The following POC1A variants were observed in gnomAD, a reference collection of about 807,000 sequenced individuals.
POC1A encodes POC1 centriolar protein homolog A.
In POC1A, 34 loss-of-function variants were observed where a neutral mutation model predicts 47.8. That is an observed-to-expected ratio of 0.71 (90% CI 0.54 to 0.95). The LOEUF (loss-of-function observed/expected upper bound fraction) is 0.95, where lower values mean the gene tolerates loss of function less well. Ranked by LOEUF, POC1A falls within the 40% of genes least tolerant of loss-of-function variation. POC1A has a pLI of 0.00. For missense variants in POC1A, 466 were observed against 528.3 expected (o/e 0.88, Z 1.16); for synonymous variants, 177 against 207.6 (o/e 0.85, Z 1.27).
intron 9 of POC1A, among the ~76,000 whole-genome samples, chr3:52,111,768 T>C (rs1703396598): frequency 6.7e-6 from 1 of 149,540 alleles, no homozygotes; most frequent in South Asian, 2.2e-4. Flanking sequence ...CTCTCACCCA[T>C]CTGCTTCCCT....
At chr3:52,080,095 C>T (rs1265927651) in intron 10 of POC1A, among the ~76,000 whole-genome samples, 1 of 152,192 alleles carries the variant, frequency 6.6e-6, no homozygotes, top group African/African-American at 2.4e-5. Flanking sequence ...TTCAACAAAC[C>T]TTCAGCGTGG....
At chr3:52,150,986 C>T (rs1264973358) in intron 2 of POC1A, 30 bp downstream of exon 2, 2 of 1,610,934 alleles carry the variant, frequency 1.2e-6, no homozygotes, top group South Asian at 1.1e-5. Flanking sequence ...AGCTCATAAC[C>T]TAGCACCTAG....
intron 9 of POC1A, among the ~76,000 whole-genome samples, chr3:52,102,255 G>A (rs1703030110): frequency 6.6e-6 from 1 of 152,106 alleles, no homozygotes; most frequent in South Asian, 2.1e-4. Context: ...GTTTCCTAGG[G>A]CTGCTGTAAC....
intron 4 of POC1A, among the ~76,000 whole-genome samples, chr3:52,147,633 G>T (rs1698412163): frequency 6.6e-6 from 1 of 152,016 alleles, no homozygotes; most frequent in South Asian, 2.1e-4. Context: ...GTAGAGATGG[G>T]AGTCTCACTA....
chr3:52,152,857 G>A (rs535922917), intron 1 of POC1A, among the ~76,000 whole-genome samples: 1 of 152,330 alleles, frequency 6.6e-6, no homozygotes, highest in Non-Finnish European at 1.5e-5. Flanking sequence ...GATGCTTGCT[G>A]CAACATGGAT....
At chr3:52,077,839 C>A (rs1257586053) in intron 10 of POC1A, among the ~76,000 whole-genome samples, 1 of 151,638 alleles carries the variant, frequency 6.6e-6, no homozygotes, top group Non-Finnish European at 1.5e-5. Flanking sequence ...AATTTGCAAA[C>A]GTGGAGATAG....
chr3:52,126,870 A>G (rs1704023581), intron 7 of POC1A, among the ~76,000 whole-genome samples: 1 of 152,210 alleles, frequency 6.6e-6, no homozygotes, highest in South Asian at 2.1e-4. Flanking sequence ...TCAGGACCCA[A>G]ACATCTCCCA....
intron 10 of POC1A, among the ~76,000 whole-genome samples, chr3:52,089,198 C>T (rs1261428317): frequency 6.6e-6 from 1 of 151,948 alleles, no homozygotes. Context: ...CCCTGACCTG[C>T]GACTTGGGGA....
intron 6 of POC1A, among the ~76,000 whole-genome samples, chr3:52,140,438 C>T (rs1017499538): frequency 6.6e-6 from 1 of 152,144 alleles, no homozygotes; most frequent in Non-Finnish European, 1.5e-5. Flanking sequence ...GAGGAACAGC[C>T]GGTGGCAGGA....
At chr3:52,120,723 A>G (rs1401880124) in intron 9 of POC1A, among the ~76,000 whole-genome samples, 5 of 152,190 alleles carry the variant, frequency 3.3e-5, no homozygotes, top group African/African-American at 1.2e-4. Flanking sequence ...TGTAGATAGT[A>G]TGGGAACAAG....
chr3:52,078,790 C>T (rs879280754), intron 10 of POC1A, among the ~76,000 whole-genome samples: 1 of 152,188 alleles, frequency 6.6e-6, no homozygotes, highest in Non-Finnish European at 1.5e-5. Context: ...TGAGCCCCTG[C>T]GCCCGGCTGA....
chr3:52,083,440 C>T (rs996972447), intron 10 of POC1A, among the ~76,000 whole-genome samples: 2 of 152,162 alleles, frequency 1.3e-5, no homozygotes, highest in Admixed American at 6.5e-5. Flanking sequence ...TACACCCCAG[C>T]GCTCTCCCTG....
chr3:52,138,039 A>G (rs1704538328), intron 7 of POC1A, 130 bp downstream of exon 7: 4 of 983,002 alleles, frequency 4.1e-6, no homozygotes. Context: ...CCCAGGTCAC[A>G]TGGAAATGCC....
At chr3:52,139,858 G>T (rs771140535) in intron 6 of POC1A, among the ~76,000 whole-genome samples, 1 of 152,172 alleles carries the variant, frequency 6.6e-6, no homozygotes, top group Non-Finnish European at 1.5e-5. Context: ...GGCAGTCTAC[G>T]TGGGGACAGA....
intron 2 of POC1A, among the ~76,000 whole-genome samples, 158 bp from the exon 3 acceptor site, chr3:52,150,145 G>C (rs112983455): frequency 0.017 from 2,532 of 152,288 alleles, 62 homozygotes; most frequent in African/African-American, 0.053. Flanking sequence ...AGCACATCTC[G>C]AGGTATGGTC....
intron 6 of POC1A, among the ~76,000 whole-genome samples, chr3:52,144,456 C>A (rs955489014): frequency 6.6e-6 from 1 of 152,076 alleles, no homozygotes; most frequent in Non-Finnish European, 1.5e-5. Flanking sequence ...TGTGGCTGGC[C>A]CCTGCCACCT....
intron 10 of POC1A, among the ~76,000 whole-genome samples, chr3:52,091,232 T>A (rs978577588): frequency 4.0e-5 from 6 of 151,844 alleles, no homozygotes; most frequent in African/African-American, 1.5e-4. Flanking sequence ...GGGAGAGGCG[T>A]GCGATCTCTC....
chr3:52,112,223 A>G (rs1577857917), intron 9 of POC1A, among the ~76,000 whole-genome samples: 1 of 152,132 alleles, frequency 6.6e-6, no homozygotes, highest in East Asian at 1.9e-4. Flanking sequence ...GTGCAATCAT[A>G]GTTCACTGCA....
chr3:52,120,832 T>C (rs906213734), intron 9 of POC1A, among the ~76,000 whole-genome samples: 4 of 152,236 alleles, frequency 2.6e-5, no homozygotes, highest in Admixed American at 6.5e-5. Context: ...AGGTGCTCCA[T>C]ACTCCATTGC....
Sources: allele counts gnomAD v4.1 joint callset (sites outside exome capture counted in the v4.1 genomes callset), GRCh38; gene constraint gnomAD v4.1.1; transcripts MANE v1.5; gene names NCBI Gene and HGNC (gene_info 2026-07-23, HGNC 2026-07-21).